LYSMD2: variants seen among roughly 807,000 people sequenced by gnomAD.
The protein encoded by LYSMD2 is LysM domain containing 2, also known as lysM and putative peptidoglycan-binding domain-containing protein 2.
LYSMD2 carries 6 observed loss-of-function variants against 17.7 expected under a neutral mutation model. The ratio of observed to expected loss-of-function variants is 0.34; its 90% CI spans 0.19 to 0.67. LYSMD2 has a LOEUF of 0.67. Ranked by LOEUF, LYSMD2 falls within the 30% of genes least tolerant of loss-of-function variation. The pLI is 0.69. For synonymous variants in LYSMD2, 102 were observed against 129.8 expected, an observed-to-expected ratio of 0.79 and a Z score of 1.45; for missense variants, 237 against 286.7, an observed-to-expected ratio of 0.83 and a Z score of 1.25.
chr15:51,733,898 ACT>A (rs2055592467), intron 1 of LYSMD2, among the ~76,000 whole-genome samples: 2 of 151,808 alleles, frequency 1.3e-5, no homozygotes, highest in South Asian at 2.1e-4. Flanking sequence ...AAAAATGGAG[ACT>A]CTGGCCAGAT....
At chr15:51,735,928 C>T (rs2141598182) in intron 1 of LYSMD2, among the ~76,000 whole-genome samples, 1 of 152,292 alleles carries the variant, frequency 6.6e-6, no homozygotes, top group East Asian at 1.9e-4. Context: ...GACTGTCCTC[C>T]TTCAGTAGCC....
chr15:51,733,496 G>A (rs1215440247), intron 1 of LYSMD2, among the ~76,000 whole-genome samples: 3 of 151,924 alleles, frequency 2.0e-5, no homozygotes, highest in South Asian at 2.1e-4. Context: ...AGTTGGGGAG[G>A]AGCGCTGGGG....
At chr15:51,740,527 GA>G (rs1349467061), upstream of LYSMD2, among the ~76,000 whole-genome samples, 1 of 152,176 alleles carries the variant, frequency 6.6e-6, no homozygotes, top group Non-Finnish European at 1.5e-5. Flanking sequence ...AGAAGAAAAG[GA>G]AATGAAGATT....
rs1404460247 is a variant in LYSMD2 at position 51,724,878 on chromosome 15, C to T, written c.517G>A (p.Glu173Lys). 6.2e-7 allele frequency: 1 copy of T among 1,614,110 alleles called. No homozygotes were observed. The highest frequency in any genetic ancestry group is 1.1e-5 in the South Asian group (1 of 91,072). The change falls in exon 2 of 3, where the codon GAA (glutamate) becomes AAA (lysine). Residue 173 changes from glutamate (E) to lysine (K), a missense_variant. Coordinates refer to ENST00000267838, the MANE Select transcript of LYSMD2 (RefSeq NM_153374.3). The part of the protein sequence containing the change: ...ESDVQPVQPE[E>K]VSARDFLQRL... ...TGCAGGAAATCTCTGGCTGACACTT[C>T]CTCAGGCTGCACAGGCTGAACATCA... is the stretch of plus-strand genomic sequence containing the variant.
Position 51,735,911 on chromosome 15 carries a change from T to C in LYSMD2, c.273+1439A>G, listed in dbSNP as rs1417570592. On this transcript the variant is annotated intron_variant, in intron 1 of 2. Transcript: ENST00000267838. ...TAAGGCAAGATGCCTGAAAACCAGA[T>C]AGAAAAGACTGTCCTCCTTCAGTAG... 1.8e-4 allele frequency among the ~76,000 whole-genome samples: 27 copies of C among 152,292 alleles called. No homozygotes were observed. In the East Asian group the frequency reaches 5.2e-3, roughly 29 times the overall value.
rs1270616369 is a variant in LYSMD2 at position 51,737,138 on chromosome 15, A to T, written c.273+212T>A. Among the ~76,000 whole-genome samples, 1 of 152,122 alleles carries T rather than the reference A, an allele frequency of 6.6e-6. No homozygotes were observed. Among genetic ancestry groups the T allele is most frequent in the African/African-American group, 2.4e-5 (1 of 41,426 alleles). On this transcript the variant is annotated intron_variant, in intron 1 of 2. Coordinates refer to ENST00000267838, the MANE Select transcript of LYSMD2 (RefSeq NM_153374.3). This position sits in a 1 kb window ranked among gnomAD's most constrained non-coding sequence, Gnocchi z 4.2. Reference sequence around the variant, plus strand: ...CCTGGCGGTCCGCCCCTCCCGCTGCAGGACCAGCTTTGGCGACCACTGCGG... The same window carrying T: ...CCTGGCGGTCCGCCCCTCCCGCTGCTGGACCAGCTTTGGCGACCACTGCGG...
chr15:51,730,613 G>A (rs570561785), intron 1 of LYSMD2, among the ~76,000 whole-genome samples: 52 of 152,336 alleles, frequency 3.4e-4, no homozygotes, highest in African/African-American at 1.2e-3. Context: ...GCAGGCTGCT[G>A]AGTAAGGTCA....
intron 1 of LYSMD2, among the ~76,000 whole-genome samples, chr15:51,744,095 A>C (rs1481116207): frequency 6.6e-6 from 1 of 152,160 alleles, no homozygotes; most frequent in African/African-American, 2.4e-5. Context: ...GAATAAAGAC[A>C]GTTTTATTTC....
At chr15:51,742,928 G>C (rs11632106) in intron 1 of LYSMD2, among the ~76,000 whole-genome samples, 72,968 of 151,956 alleles carry the variant, frequency 0.48, 17,794 homozygotes, top group Admixed American at 0.54. Flanking sequence ...CCCCACTGCA[G>C]TCCAGCCGGG....
intron 1 of LYSMD2, among the ~76,000 whole-genome samples, chr15:51,726,533 T>C (rs2055541051): frequency 6.6e-6 from 1 of 152,152 alleles, no homozygotes; most frequent in Non-Finnish European, 1.5e-5. Context: ...CATGACAGAA[T>C]CATTCAGACA....
At chr15:51,750,503 A>G (rs1595857017) in intron 1 of LYSMD2, among the ~76,000 whole-genome samples, 1 of 152,360 alleles carries the variant, frequency 6.6e-6, no homozygotes, top group East Asian at 1.9e-4. Context: ...CTGTGAATGC[A>G]AATCCCACCA....
At chr15:51,751,303 G>C (rs1351136128) in exon 1 of LYSMD2, 3 of 702,492 alleles carry the variant, frequency 4.3e-6, no homozygotes, top group African/African-American at 3.5e-5. Context: ...TTCCGTGTCA[G>C]GATGCTCGCT....
upstream of LYSMD2, among the ~76,000 whole-genome samples, chr15:51,741,067 C>T (rs531168614): frequency 1.3e-5 from 2 of 152,268 alleles, no homozygotes; most frequent in South Asian, 2.1e-4. Context: ...AAAGATAAAG[C>T]ACTAACAAGG....
At chr15:51,737,733 C>A, upstream of LYSMD2, 1 of 837,108 alleles carries the variant, frequency 1.2e-6, no homozygotes, top group Non-Finnish European at 1.6e-6. This position sits in a 1 kb window ranked among gnomAD's most constrained non-coding sequence, Gnocchi z 4.2. Flanking sequence ...GCAGGCCGTT[C>A]CGCGGGGGCG....
upstream of LYSMD2, among the ~76,000 whole-genome samples, chr15:51,741,762 C>T (rs2055643909): frequency 6.6e-6 from 1 of 151,758 alleles, no homozygotes; most frequent in Non-Finnish European, 1.5e-5. Flanking sequence ...TCTACTAAAA[C>T]TACAAAAATT....
intron 1 of LYSMD2, among the ~76,000 whole-genome samples, chr15:51,729,450 T>G (rs2055562748): frequency 6.6e-6 from 1 of 152,152 alleles, no homozygotes; most frequent in Admixed American, 6.5e-5. Flanking sequence ...TTTGGTATGT[T>G]TTTATTTATT....
intron 1 of LYSMD2, among the ~76,000 whole-genome samples, chr15:51,726,326 C>T (rs2055539831): frequency 6.6e-6 from 1 of 152,178 alleles, no homozygotes; most frequent in Non-Finnish European, 1.5e-5. Context: ...GGACACTTTG[C>T]CCGTAGCAGG....
chr15:51,737,431 G>C lies in LYSMD2; in HGVS notation c.192C>G (p.Ala64=), dbSNP rs1176127733. Residue 64 remains alanine, a synonymous_variant, in exon 1 of 3, where the codon GCC becomes GCG. Transcript: ENST00000267838. The surrounding 1 kb of genome is among the most constrained non-coding windows in gnomAD (Gnocchi z 4.2). ...STASVRAPLG[A]GVIERHVEHR... Reference sequence around the variant, plus strand: ...GCTCCACATGGCGCTCGATGACGCCGGCGCCCAGCGGCGCCCGCACGCTGG... The same window carrying C: ...GCTCCACATGGCGCTCGATGACGCCCGCGCCCAGCGGCGCCCGCACGCTGG... The C allele has an allele frequency of 7.0e-7, 1 of 1,433,654 alleles. No homozygotes were observed. Among genetic ancestry groups the C allele is most frequent in the Non-Finnish European group, 9.1e-7 (1 of 1,097,374 alleles). 88.8% of individuals were successfully genotyped at this position (1,433,654 alleles called of 1,614,324 possible).
chr15:51,729,382 C>T (rs2055562148), intron 1 of LYSMD2, among the ~76,000 whole-genome samples: 1 of 152,248 alleles, frequency 6.6e-6, no homozygotes, highest in Admixed American at 6.5e-5. Context: ...GAGGCACCTG[C>T]CATAGCACAG....
Sources: gnomAD v4.1 joint callset for allele counts (sites outside exome capture counted in the v4.1 genomes callset) on GRCh38, gnomAD v4.1.1 for gene constraint, Gnocchi (gnomAD v3.1) non-coding constraint, MANE v1.5 for transcripts, NCBI Gene and HGNC (gene_info 2026-07-23, HGNC 2026-07-21) for gene names.